SNCAIP: variants seen among roughly 807,000 people sequenced by gnomAD.
The protein encoded by SNCAIP is synuclein alpha interacting protein.
In SNCAIP, 43 loss-of-function variants were observed where a neutral mutation model predicts 86.7. That is an observed-to-expected ratio of 0.50 (90% CI 0.39 to 0.64). The LOEUF (loss-of-function observed/expected upper bound fraction) is 0.64. Among genes scored for constraint, SNCAIP ranks in the 30% least tolerant of loss-of-function variants. The pLI, the probability that SNCAIP is intolerant of heterozygous loss-of-function variation, is 0.00. For synonymous variants in SNCAIP, 417 were observed against 427.2 expected (o/e 0.98, Z 0.29); for missense variants, 981 against 1,103.1 (o/e 0.89, Z 1.57).
At chr5:122,456,609 C>T (rs757883862) in intron 10 of SNCAIP, among the ~76,000 whole-genome samples, 11 of 152,206 alleles carry the variant, frequency 7.2e-5, no homozygotes, top group Non-Finnish European at 1.5e-4. Flanking sequence ...TTTCCAGAAT[C>T]CTGATGGGAA....
At chr5:122,433,850 C>T (rs775904302) in intron 6 of SNCAIP, among the ~76,000 whole-genome samples, 1 of 152,128 alleles carries the variant, frequency 6.6e-6, no homozygotes, top group Non-Finnish European at 1.5e-5. Context: ...AACCATACAT[C>T]AAGTTTGAAT....
intron 1 of SNCAIP, chr5:122,389,249 CA>C (rs1266396392): frequency 1.3e-5 from 2 of 152,188 alleles, no homozygotes; most frequent in Non-Finnish European, 2.9e-5. Flanking sequence ...AGCTTCGATG[CA>C]TGTTTCTCTG....
chr5:122,387,985 A>T (rs182285204), intron 1 of SNCAIP, among the ~76,000 whole-genome samples: 1 of 152,336 alleles, frequency 6.6e-6, no homozygotes, highest in East Asian at 1.9e-4. Flanking sequence ...ATTGGGGGTA[A>T]TGGTTGTACT....
intron 1 of SNCAIP, among the ~76,000 whole-genome samples, chr5:122,319,453 A>G (rs549929981): frequency 1.3e-5 from 2 of 152,352 alleles, no homozygotes; most frequent in East Asian, 3.9e-4. Context: ...AGTCATTCAC[A>G]GAGCTATTCC....
At chr5:122,400,207 C>T (rs1001166217) in intron 2 of SNCAIP, among the ~76,000 whole-genome samples, 5 of 151,708 alleles carry the variant, frequency 3.3e-5, no homozygotes, top group African/African-American at 9.7e-5. Flanking sequence ...GTAGACAATG[C>T]GAGATGAGGC....
chr5:122,421,435 C>A (rs761115662), intron 3 of SNCAIP, among the ~76,000 whole-genome samples: 6 of 152,190 alleles, frequency 3.9e-5, no homozygotes, highest in Non-Finnish European at 8.8e-5. Context: ...AGAAGAATGA[C>A]CAGTAGCTTA....
chr5:122,362,881 G>C (rs992408256), intron 1 of SNCAIP, among the ~76,000 whole-genome samples: 2 of 152,038 alleles, frequency 1.3e-5, no homozygotes, highest in African/African-American at 2.4e-5. Flanking sequence ...ACTCTGAAAA[G>C]TTCCATAGGG....
At chr5:122,371,020 C>T (rs757084027) in intron 1 of SNCAIP, among the ~76,000 whole-genome samples, 3 of 152,062 alleles carry the variant, frequency 2.0e-5, no homozygotes, top group Admixed American at 6.6e-5. Context: ...TACAGAGTTA[C>T]TTCAGGCTTG....
intron 10 of SNCAIP, among the ~76,000 whole-genome samples, chr5:122,456,646 G>T (rs1784826171): frequency 6.6e-6 from 1 of 152,142 alleles, no homozygotes; most frequent in South Asian, 2.1e-4. Flanking sequence ...CAAGACCCTG[G>T]TGCTGCTGAA....
chr5:122,419,712 T>C (rs1776009723), intron 3 of SNCAIP, among the ~76,000 whole-genome samples: 1 of 152,216 alleles, frequency 6.6e-6, no homozygotes, highest in South Asian at 2.1e-4. Context: ...AATTTATTCA[T>C]AATTTCCAAA....
chr5:122,352,788 T>C, intron 1 of SNCAIP, among the ~76,000 whole-genome samples: 1 of 152,114 alleles, frequency 6.6e-6, no homozygotes, highest in East Asian at 1.9e-4. Flanking sequence ...GGCAGGAGGA[T>C]TGCTTGAGGG....
intron 3 of SNCAIP, among the ~76,000 whole-genome samples, chr5:122,412,177 A>C (rs563194825): frequency 1.8e-4 from 27 of 152,096 alleles, no homozygotes; most frequent in African/African-American, 6.0e-4. Context: ...GATCACCTCC[A>C]TCTTAAAAAA....
At chr5:122,425,668 A>C in intron 5 of SNCAIP, 137 bp downstream of exon 5, 1 of 714,286 alleles carries the variant, frequency 1.4e-6, no homozygotes, top group Non-Finnish European at 2.4e-6. Context: ...TATTGCATTT[A>C]AGAGAGTAAT....
At chr5:122,404,739 A>G (rs1286806102) in intron 3 of SNCAIP, among the ~76,000 whole-genome samples, 1 of 152,198 alleles carries the variant, frequency 6.6e-6, no homozygotes, top group Non-Finnish European at 1.5e-5. Context: ...TGCCTTACCT[A>G]TACAGCTACT....
intron 1 of SNCAIP, among the ~76,000 whole-genome samples, chr5:122,378,038 C>A (rs1765746961): frequency 6.7e-6 from 1 of 148,774 alleles, no homozygotes; most frequent in Non-Finnish European, 1.5e-5. Context: ...GATTTATAGT[C>A]CTTTGGGTAT....
In SNCAIP at chr5:122,423,478, T is replaced by C. The variant is rs1274552057; in HGVS notation, c.741T>C (p.Ser247=). The part of the protein sequence containing the change: ...EISPPLVKCG[S]AYEPENQSKD... ...CACCTCCTCTGGTTAAATGTGGCTC[T>C]GCATATGAGCCTGAAAACCAGAGTA... Residue 247 remains serine, a synonymous_variant, in exon 4 of 11, where the codon TCT becomes TCC. Coordinates refer to ENST00000261368, the MANE Select transcript of SNCAIP (RefSeq NM_005460.4). The C allele has an allele frequency of 1.2e-6, 2 of 1,614,226 alleles. No homozygotes were observed. Among genetic ancestry groups the C allele is most frequent in the South Asian group, 2.2e-5 (2 of 91,090 alleles).
intron 1 of SNCAIP, among the ~76,000 whole-genome samples, chr5:122,333,058 G>A (rs2152702041): frequency 6.6e-6 from 1 of 152,302 alleles, no homozygotes; most frequent in African/African-American, 2.4e-5. Context: ...AGCTGAGCTT[G>A]TACAAACTTT....
chr5:122,315,640 G>T (rs1049815469), intron 1 of SNCAIP, among the ~76,000 whole-genome samples: 1 of 152,148 alleles, frequency 6.6e-6, no homozygotes, highest in Non-Finnish European at 1.5e-5. Context: ...CTTAGCAATA[G>T]CCCAGGATTT....
At chr5:122,449,824 T>C (rs781116285) in intron 8 of SNCAIP, 21 bp from the exon 9 acceptor site, 5 of 1,545,614 alleles carry the variant, frequency 3.2e-6, no homozygotes, top group South Asian at 1.1e-5. Flanking sequence ...AGTCCTCATG[T>C]GTTTTGGTTG....
Sources: allele counts gnomAD v4.1 joint callset (sites outside exome capture counted in the v4.1 genomes callset), GRCh38; gene constraint gnomAD v4.1.1; transcripts MANE v1.5; gene names NCBI Gene and HGNC (gene_info 2026-07-23, HGNC 2026-07-21).